The following NEIL3 variants were observed in gnomAD, a reference collection of about 807,000 sequenced individuals.
The protein encoded by NEIL3 is endonuclease 8-like 3.
Under a neutral mutation model 57.5 loss-of-function variants are expected in NEIL3, and 48 were observed. The observed-to-expected ratio is 0.83, with a 90% CI of 0.66 to 1.06. The LOEUF (loss-of-function observed/expected upper bound fraction) is 1.06, where lower values mean the gene tolerates loss of function less well. NEIL3 is among the 50% of genes least tolerant of loss of function. The pLI is 0.00. For missense variants in NEIL3, 717 were observed against 739.1 expected (o/e 0.97, Z 0.35); for synonymous variants, 261 against 253.2 (o/e 1.03, Z -0.29).
intron 1 of NEIL3, among the ~76,000 whole-genome samples, chr4:177,321,219 C>T (rs534438164): frequency 1.4e-4 from 22 of 152,196 alleles, no homozygotes; most frequent in African/African-American, 5.3e-4. Context: ...GACATTTCCC[C>T]ACTCCCACTG....
At position 177,336,301 on chromosome 4, in the gene NEIL3, G is replaced by T. The variant is rs149191538; in HGVS notation, c.607G>T (p.Gly203Cys). 1.9e-5 allele frequency: 30 copies of T among 1,613,560 alleles called. No individual in the cohort carries two copies. Among genetic ancestry groups the T allele is most frequent in the Non-Finnish European group, 2.4e-5 (28 of 1,179,790 alleles). Reference protein sequence around the residue: ...IIKNEALFDSGLHPAVKVCQL... With the variant: ...IIKNEALFDSCLHPAVKVCQL... ...CAAAAATGAAGCTCTCTTTGACAGTGGTCTCCACCCAGCTGTTAAAGTAAG... is the reference window on the plus strand; with the variant it reads ...CAAAAATGAAGCTCTCTTTGACAGTTGTCTCCACCCAGCTGTTAAAGTAAG... The change falls in exon 4 of 10, where the codon GGT becomes TGT. Residue 203 changes from glycine to cysteine, a missense_variant. Gly to Cys is a radical substitution (Grantham distance 159). Transcript: ENST00000264596.
At chr4:177,355,397 T>C (rs1473061003) in intron 8 of NEIL3, among the ~76,000 whole-genome samples, 1 of 152,204 alleles carries the variant, frequency 6.6e-6, no homozygotes, top group Non-Finnish European at 1.5e-5. Flanking sequence ...TATGCACACC[T>C]TTTCATATAT....
intron 2 of NEIL3, among the ~76,000 whole-genome samples, chr4:177,325,758 T>G (rs1734768510): frequency 6.6e-6 from 1 of 152,110 alleles, no homozygotes. Flanking sequence ...TTCTAATAGG[T>G]GTACAGTGTA....
intron 6 of NEIL3, among the ~76,000 whole-genome samples, chr4:177,344,560 TC>T (rs375590226): frequency 6.6e-5 from 10 of 151,668 alleles, no homozygotes; most frequent in Admixed American, 2.0e-4. Flanking sequence ...GGTTCTTTTT[TC>T]TTTTTATTTG....
At chr4:177,327,483 G>C (rs1049369836) in intron 2 of NEIL3, among the ~76,000 whole-genome samples, 1 of 152,102 alleles carries the variant, frequency 6.6e-6, no homozygotes, top group African/African-American at 2.4e-5. Context: ...TTGTTACATA[G>C]GTGTACATGT....
intron 1 of NEIL3, among the ~76,000 whole-genome samples, chr4:177,318,791 GTT>G (rs528996352): frequency 1.4e-4 from 22 of 152,198 alleles, no homozygotes; most frequent in African/African-American, 5.1e-4. Context: ...GTGTTATTGT[GTT>G]TATTGCCTAC....
intron 6 of NEIL3, chr4:177,343,118 ATAGG>A (rs932405092): frequency 1.6e-4 from 25 of 152,336 alleles, no homozygotes; most frequent in African/African-American, 5.8e-4. Flanking sequence ...GGCAGATTTG[ATAGG>A]TAGGATGATG....
chr4:177,333,573 G>T (rs941825201), intron 2 of NEIL3, among the ~76,000 whole-genome samples: 1 of 152,132 alleles, frequency 6.6e-6, no homozygotes, highest in African/African-American at 2.4e-5. Flanking sequence ...GCTTCAAGGA[G>T]AACTAAAGCA....
At chr4:177,351,176 CCTGGATGA>C (rs1308424387) in intron 6 of NEIL3, among the ~76,000 whole-genome samples, 196 bp from the exon 7 acceptor site, 1 of 124,242 alleles carries the variant, frequency 8.0e-6, no homozygotes, top group Non-Finnish European at 1.6e-5. Context: ...TACGCTGCAA[CCTGGATGA>C]CAGAGCAAGA....
At position 177,337,653 on chromosome 4, in the gene NEIL3, A is replaced by G. The variant is rs576842204; in HGVS notation, c.627+1332A>G. ...TTACTTTTTATCTCTGCATCCAGCC[A>G]TCCATCCATCTAGGAAATGATCATT... On this transcript the variant is annotated intron_variant, in intron 4 of 9. Coordinates refer to ENST00000264596, the MANE Select transcript of NEIL3 (RefSeq NM_018248.3). Among the ~76,000 whole-genome samples, 330 of 152,294 alleles carry G rather than the reference A, an allele frequency of 2.2e-3. 2 individuals carry two copies. The highest frequency in any genetic ancestry group is 7.4e-3 in the African/African-American group (309 of 41,566).
At chr4:177,351,236 AAAG>A in intron 6 of NEIL3, 141 bp from the exon 7 acceptor site, 12 of 275,936 alleles carry the variant, frequency 4.3e-5, no homozygotes, top group South Asian at 4.2e-4. Flanking sequence ...AAAAAAAAAA[AAAG>A]ACTCTAAGAT....
chr4:177,348,060 A>G (rs768142490), intron 6 of NEIL3, among the ~76,000 whole-genome samples: 3 of 152,150 alleles, frequency 2.0e-5, no homozygotes, highest in Non-Finnish European at 4.4e-5. Flanking sequence ...AACTTCCTCT[A>G]TCTTTTCTTT....
Position 177,322,588 on chromosome 4 carries a change from A to C in NEIL3, c.278+8A>C, listed in dbSNP as rs1317087952. ...TGGACCAAAAGCTTTACGGTAAGAT[A>C]AGCCTGTACGATACATCTTATCTCT... On this transcript the variant is annotated splice_region_variant and intron_variant, in intron 2 of 9. Transcript: ENST00000264596. 1 of 1,613,764 alleles carries C rather than the reference A, an allele frequency of 6.2e-7. No homozygotes were observed. Among genetic ancestry groups the C allele is most frequent in the Non-Finnish European group, 8.5e-7 (1 of 1,179,690 alleles).
chr4:177,349,184 G>A (rs922190157), intron 6 of NEIL3, among the ~76,000 whole-genome samples: 1 of 151,640 alleles, frequency 6.6e-6, no homozygotes, highest in Non-Finnish European at 1.5e-5. Context: ...GCCCGGCCTC[G>A]TGGGTCATGA....
chr4:177,310,891 C>T (rs1190090880), intron 1 of NEIL3, among the ~76,000 whole-genome samples: 1 of 152,052 alleles, frequency 6.6e-6, no homozygotes, highest in African/African-American at 2.4e-5. Context: ...AGCCTTTGGT[C>T]CTGGAAGAAA....
chr4:177,346,980 T>A (rs1243047879), intron 6 of NEIL3, among the ~76,000 whole-genome samples: 2 of 135,898 alleles, frequency 1.5e-5, no homozygotes, highest in African/African-American at 5.7e-5. Context: ...TCACCCTAGG[T>A]AACAGAGCGA....
Position 177,354,541 on chromosome 4 carries a change from GTTTATT to G in NEIL3, c.1460+829_1460+834del, listed in dbSNP as rs201619607. Reference sequence around the variant, plus strand: ...ATCTCAAACAGTCATGCGAGATGGTGTTTATTTTTATTTTTATTTTTTTCTTTGAGG... The same window carrying G: ...ATCTCAAACAGTCATGCGAGATGGTGTTTATTTTTATTTTTTTCTTTGAGG... On this transcript the variant is annotated intron_variant, in intron 8 of 9. Transcript: ENST00000264596. Among the ~76,000 whole-genome samples the G allele has an allele frequency of 1.1e-3, 168 of 152,200 alleles. 2 individuals carry two copies. The East Asian group carries it at 0.027, about 24-fold the overall frequency.
chr4:177,332,693 C>T lies in NEIL3; in HGVS notation c.279-2995C>T, dbSNP rs760179642. Among the ~76,000 whole-genome samples, 73 of 151,988 alleles carry T rather than the reference C, an allele frequency of 4.8e-4. 1 individual carries two copies. Among genetic ancestry groups the T allele is most frequent in the Admixed American group, 3.5e-3 (53 of 15,262 alleles). On this transcript the variant is annotated intron_variant, in intron 2 of 9. Transcript: ENST00000264596. ...TGTATTCTCCTTGTGTCTGGGGCTCCGGGGATTCTAAACTGTTACACCAGC... is the reference window on the plus strand; with the variant it reads ...TGTATTCTCCTTGTGTCTGGGGCTCTGGGGATTCTAAACTGTTACACCAGC...
chr4:177,358,215 C>A (rs1347618602), intron 8 of NEIL3, among the ~76,000 whole-genome samples: 1 of 152,192 alleles, frequency 6.6e-6, no homozygotes, highest in Admixed American at 6.5e-5. Context: ...TGTTTTCTAA[C>A]AAGCTCCGGG....
Sources: gnomAD v4.1 joint callset for allele counts (sites outside exome capture counted in the v4.1 genomes callset) on GRCh38, gnomAD v4.1.1 for gene constraint, MANE v1.5 for transcripts, NCBI Gene and HGNC (gene_info 2026-07-23, HGNC 2026-07-21) for gene names.